SCGB2B2: variants seen among roughly 807,000 people sequenced by gnomAD.
The protein encoded by SCGB2B2 is secretoglobin-like protein.
A neutral mutation model predicts 7.6 loss-of-function variants in SCGB2B2; 11 were observed. The observed-to-expected ratio is 1.45, with a 90% CI of 0.91 to 2.40. The LOEUF (loss-of-function observed/expected upper bound fraction) is 2.40, where lower values mean the gene tolerates loss of function less well. Ranked by LOEUF, SCGB2B2 falls within the 30% of genes most tolerant of loss-of-function variation. The probability of loss-of-function intolerance (pLI) is 0.00; values close to 1 mark genes in which losing one functional copy is unlikely to be tolerated. For synonymous variants in SCGB2B2, 50 were observed against 48.6 expected (o/e 1.03, Z -0.12); for missense variants, 104 against 115.4 (o/e 0.90, Z 0.45).
At chr19:34,628,983 G>A (rs957782018) in intron 1 of SCGB2B2, among the ~76,000 whole-genome samples, 6 of 151,554 alleles carry the variant, frequency 4.0e-5, no homozygotes, top group Middle Eastern at 3.4e-3. Context: ...ATCAATAAAC[G>A]TAATCTATCA....
At chr19:34,664,654 G>A (rs1359377093) in intron 1 of SCGB2B2, among the ~76,000 whole-genome samples, 3 of 152,184 alleles carry the variant, frequency 2.0e-5, no homozygotes, top group Non-Finnish European at 2.9e-5. Flanking sequence ...GTTGTGTGCT[G>A]TGTCACTGTT....
At chr19:34,613,437 G>A (rs1223482999) in intron 1 of SCGB2B2, among the ~76,000 whole-genome samples, 2 of 152,176 alleles carry the variant, frequency 1.3e-5, no homozygotes, top group African/African-American at 4.8e-5. Flanking sequence ...ATCTTTATAG[G>A]TGAAGTGAGT....
intron 1 of SCGB2B2, among the ~76,000 whole-genome samples, chr19:34,641,638 A>G (rs2066844218): frequency 8.6e-6 from 1 of 116,330 alleles, no homozygotes; most frequent in African/African-American, 3.9e-5. Context: ...GACAGTATGT[A>G]AATTGGGTGA....
At chr19:34,585,633 T>C in the SCGB2B2 span, among the ~76,000 whole-genome samples, 1 of 152,226 alleles carries the variant, frequency 6.6e-6, no homozygotes. Flanking sequence ...CTATGGGATT[T>C]TCAAAGATGC....
chr19:34,659,532 T>C (rs1373094620), intron 1 of SCGB2B2, among the ~76,000 whole-genome samples: 1 of 152,168 alleles, frequency 6.6e-6, no homozygotes, highest in Admixed American at 6.5e-5. Context: ...TGAGCTCCCA[T>C]TCACAATTAC....
At chr19:34,660,506 T>G (rs1267941427) in intron 1 of SCGB2B2, among the ~76,000 whole-genome samples, 1 of 152,328 alleles carries the variant, frequency 6.6e-6, no homozygotes. Flanking sequence ...AAAGAAGACA[T>G]TTATGCAGCC....
In SCGB2B2 at chr19:34,625,291, G is replaced by A. The variant is rs374475985; in HGVS notation, c.-2031-28697C>T. On this transcript the variant is annotated intron_variant, in intron 1 of 3. Coordinates refer to ENST00000601241, the MANE Select transcript of SCGB2B2 (RefSeq NM_001025591.4). ...GTGGGTGCAGGACAGTGGGTGCAGC[G>A]CACCGAGTGTGAGACGAAGCAGGGC... is the stretch of plus-strand genomic sequence containing the variant. Among the ~76,000 whole-genome samples the A allele has an allele frequency of 2.5e-4, 38 of 152,328 alleles. No homozygotes were observed. The East Asian group carries it at 3.9e-3, about 15-fold the overall frequency.
intron 1 of SCGB2B2, among the ~76,000 whole-genome samples, chr19:34,650,262 A>G (rs2067129314): frequency 6.6e-6 from 1 of 151,228 alleles, no homozygotes; most frequent in East Asian, 1.9e-4. Context: ...CAAGAAACCT[A>G]TGGAGATTGG....
At chr19:34,600,353 G>A (rs933128047) in intron 1 of SCGB2B2, among the ~76,000 whole-genome samples, 2 of 152,180 alleles carry the variant, frequency 1.3e-5, no homozygotes, top group African/African-American at 4.8e-5. Context: ...ACTGTAGGGA[G>A]CTTTCATATG....
intron 1 of SCGB2B2, among the ~76,000 whole-genome samples, chr19:34,670,038 G>C (rs555435127): frequency 2.0e-5 from 3 of 152,272 alleles, no homozygotes; most frequent in African/African-American, 7.2e-5. Flanking sequence ...TGGTTACCTG[G>C]TACCTGGTCA....
intron 1 of SCGB2B2, among the ~76,000 whole-genome samples, chr19:34,648,960 T>C (rs571485690): frequency 6.6e-6 from 1 of 152,178 alleles, no homozygotes; most frequent in Non-Finnish European, 1.5e-5. Context: ...TGGAGTGCAG[T>C]GGTGCGATCT....
At chr19:34,610,111 T>C (rs1035807508) in intron 1 of SCGB2B2, among the ~76,000 whole-genome samples, 2 of 152,082 alleles carry the variant, frequency 1.3e-5, no homozygotes, top group Admixed American at 6.6e-5. Context: ...CCTTTACTAA[T>C]TTGTTGCTGA....
chr19:34,653,241 G>C (rs1252526476), intron 1 of SCGB2B2, among the ~76,000 whole-genome samples: 1 of 151,080 alleles, frequency 6.6e-6, no homozygotes, highest in Non-Finnish European at 1.5e-5. Flanking sequence ...AAAGTTGATG[G>C]ATGGATACAA....
chr19:34,603,859 A>G (rs1048005774), intron 1 of SCGB2B2, among the ~76,000 whole-genome samples: 14 of 138,028 alleles, frequency 1.0e-4, no homozygotes, highest in Non-Finnish European at 1.8e-4. Context: ...TGCAGGGGCT[A>G]TTCACAGGTG....
intron 1 of SCGB2B2, among the ~76,000 whole-genome samples, chr19:34,647,689 C>A (rs925553314): frequency 6.6e-6 from 1 of 152,148 alleles, no homozygotes; most frequent in Non-Finnish European, 1.5e-5. Context: ...AGCCGGACAC[C>A]CCATGAAGAA....
rs529928503 is a variant in SCGB2B2, at chr19:34,654,480, CA to C, written c.-2032+21149del. ...TTATATGTTAATAAAGCTATTAAAA[CA>C]AAAAATTAAATTTAACAAACATATT... On this transcript the variant is annotated intron_variant, in intron 1 of 3. Coordinates refer to ENST00000601241, the MANE Select transcript of SCGB2B2 (RefSeq NM_001025591.4). Among the ~76,000 whole-genome samples, 206 of 151,296 alleles carry C rather than the reference CA, an allele frequency of 1.4e-3. 1 individual carries two copies. The highest frequency in any genetic ancestry group is 2.6e-3 in the Non-Finnish European group (180 of 67,988).
chr19:34,665,415 T>C (rs548907874), intron 1 of SCGB2B2, among the ~76,000 whole-genome samples: 1 of 152,282 alleles, frequency 6.6e-6, no homozygotes, highest in South Asian at 2.1e-4. Context: ...TGGAGGTAGA[T>C]GATGTCTCCA....
intron 1 of SCGB2B2, among the ~76,000 whole-genome samples, chr19:34,610,102 C>A (rs1289782577): frequency 6.6e-6 from 1 of 151,720 alleles, no homozygotes; most frequent in Non-Finnish European, 1.5e-5. Context: ...CGATTTCTTC[C>A]TTTACTAATT....
chr19:34,631,230 G>A (rs552583671), intron 1 of SCGB2B2, among the ~76,000 whole-genome samples: 59 of 151,958 alleles, frequency 3.9e-4, no homozygotes, highest in African/African-American at 1.3e-3. Context: ...AAACCTGCAC[G>A]TTGTGCACAT....
Sources: allele counts gnomAD v4.1 joint callset (sites outside exome capture counted in the v4.1 genomes callset), GRCh38; gene constraint gnomAD v4.1.1; transcripts MANE v1.5; gene names NCBI Gene and HGNC (gene_info 2026-07-23, HGNC 2026-07-21).